Variants in IQSEC1 observed in about 807,000 individuals in gnomAD.
IQSEC1 encodes IQ motif and Sec7 domain ArfGEF 1, also known as IQ motif and SEC7 domain-containing protein 1.
In IQSEC1, 31 loss-of-function variants were observed where a neutral mutation model predicts 91.0. That is an observed-to-expected ratio of 0.34 (90% CI 0.26 to 0.46). The LOEUF (loss-of-function observed/expected upper bound fraction) is 0.46, where lower values mean the gene tolerates loss of function less well. Among genes scored for constraint, IQSEC1 ranks in the 20% least tolerant of loss-of-function variants. The pLI is 1.00. For synonymous variants in IQSEC1, 699 were observed against 662.6 expected (o/e 1.05, Z -0.84); for missense variants, 1,388 against 1,575.6 (o/e 0.88, Z 2.02).
Position 12,901,377 on chromosome 3 carries a change from G to A in IQSEC1, c.2951C>T (p.Ala984Val), listed in dbSNP as rs866930156. 6.5e-7 allele frequency: 1 copy of A among 1,539,586 alleles called. No homozygotes were observed. The highest frequency in any genetic ancestry group is 8.7e-7 in the Non-Finnish European group (1 of 1,143,524). The change falls in exon 14 of 14, where the codon GCC becomes GTC. Residue 984 changes from alanine to valine, a missense_variant. Around this residue, in one of 2 missense-constraint regions of IQSEC1, gnomAD observed 329 missense variants for 257.8 expected, o/e 1.28. Coordinates refer to ENST00000613206, the MANE Select transcript of IQSEC1 (RefSeq NM_001134382.3). ...CAGGGCTGGGGCTGAGGGCAGGTGG[G>A]CCTGGGGAGGGGGCTTCCCTCTCTT... ...GSKRGKPPPQ[A>V]HLPSAPALPP...
intron 1 of IQSEC1, among the ~76,000 whole-genome samples, chr3:13,059,857 CTT>C (rs1313190579): frequency 6.6e-6 from 1 of 152,258 alleles, no homozygotes; most frequent in African/African-American, 2.4e-5. Context: ...CCAGGGATGA[CTT>C]TGGAGCAGCG....
At chr3:13,121,163 G>A (rs1027357021) in intron 2 of IQSEC1, among the ~76,000 whole-genome samples, 5 of 152,218 alleles carry the variant, frequency 3.3e-5, no homozygotes, top group Non-Finnish European at 7.3e-5. Context: ...CTGCTTTTGT[G>A]AGCAGGACTT....
chr3:13,088,225 G>A (rs1377062639), intron 2 of IQSEC1, among the ~76,000 whole-genome samples: 5 of 152,218 alleles, frequency 3.3e-5, no homozygotes, highest in Non-Finnish European at 7.3e-5. Flanking sequence ...GCGTGCTAAC[G>A]CAGTGGGTGG....
chr3:13,036,484 G>C (rs1217472254), intron 1 of IQSEC1, among the ~76,000 whole-genome samples: 4 of 152,046 alleles, frequency 2.6e-5, no homozygotes, highest in Non-Finnish European at 5.9e-5. Context: ...ATTATGAAAG[G>C]AGCCAGTCAG....
At chr3:13,142,742 C>T (rs116074570) in intron 2 of IQSEC1, among the ~76,000 whole-genome samples, 1,731 of 152,334 alleles carry the variant, frequency 0.011, 36 homozygotes, top group African/African-American at 0.038. Context: ...ATTGTTATTG[C>T]AGCACATCCA....
intron 3 of IQSEC1, among the ~76,000 whole-genome samples, chr3:12,927,516 G>A (rs990865628): frequency 6.6e-6 from 1 of 150,610 alleles, no homozygotes; most frequent in African/African-American, 2.5e-5. Flanking sequence ...CCAGGTCCAG[G>A]CCCAGCCGGG....
At chr3:13,110,574 C>T (rs1025227248) in intron 2 of IQSEC1, among the ~76,000 whole-genome samples, 3 of 152,152 alleles carry the variant, frequency 2.0e-5, no homozygotes, top group East Asian at 1.9e-4. Context: ...GGCAACAGAG[C>T]GAGACTTCGT....
At chr3:13,205,165 CG>C (rs897888113) in intron 1 of IQSEC1, among the ~76,000 whole-genome samples, 1 of 152,084 alleles carries the variant, frequency 6.6e-6, no homozygotes, top group Non-Finnish European at 1.5e-5. Context: ...ACTGCTACAG[CG>C]AACTGCCCAG....
At chr3:13,221,114 G>A (rs1221746504) in intron 1 of IQSEC1, among the ~76,000 whole-genome samples, 2 of 152,188 alleles carry the variant, frequency 1.3e-5, no homozygotes, top group African/African-American at 4.8e-5. Flanking sequence ...CCTATAGTGT[G>A]ACACCATAGC....
intron 2 of IQSEC1, among the ~76,000 whole-genome samples, chr3:13,135,304 G>A (rs1706689035): frequency 6.6e-6 from 1 of 152,236 alleles, no homozygotes. Context: ...ATTGTCCTGG[G>A]ACCTCAGGCC....
At chr3:13,115,045 G>A (rs577681896) in intron 2 of IQSEC1, among the ~76,000 whole-genome samples, 2 of 152,322 alleles carry the variant, frequency 1.3e-5, no homozygotes, top group African/African-American at 2.4e-5. Flanking sequence ...CAGGGGGGCT[G>A]TGGGGGCTGG....
chr3:12,939,055 A>AGAT (rs1286639543), intron 2 of IQSEC1, among the ~76,000 whole-genome samples: 1 of 152,168 alleles, frequency 6.6e-6, no homozygotes, highest in Non-Finnish European at 1.5e-5. Flanking sequence ...ACATGTGCTC[A>AGAT]TCTACTATGT....
intron 1 of IQSEC1, among the ~76,000 whole-genome samples, chr3:12,957,266 C>G (rs1699967322): frequency 6.6e-6 from 1 of 152,214 alleles, no homozygotes; most frequent in South Asian, 2.1e-4. Flanking sequence ...CACCTTCTCC[C>G]CTTGTTCCTT....
chr3:13,174,840 C>T (rs1046655166), intron 1 of IQSEC1, among the ~76,000 whole-genome samples: 1 of 151,782 alleles, frequency 6.6e-6, no homozygotes, highest in Non-Finnish European at 1.5e-5. Context: ...TGCTCCCCCC[C>T]CCCACCTCCT....
chr3:13,242,874 G>T (rs552915466), intron 1 of IQSEC1, among the ~76,000 whole-genome samples: 1 of 152,152 alleles, frequency 6.6e-6, no homozygotes, highest in African/African-American at 2.4e-5. Flanking sequence ...AGGAGAGGAG[G>T]GGGAGGGTGA....
intron 3 of IQSEC1, among the ~76,000 whole-genome samples, chr3:12,929,530 G>T (rs1697474855): frequency 6.6e-6 from 1 of 152,198 alleles, no homozygotes; most frequent in South Asian, 2.1e-4. Flanking sequence ...GCTCCAGGTT[G>T]CCCAGCAAGA....
chr3:12,902,403 G>C (rs1300017410), intron 13 of IQSEC1, among the ~76,000 whole-genome samples: 1 of 151,464 alleles, frequency 6.6e-6, no homozygotes, highest in Non-Finnish European at 1.5e-5. Context: ...GAGCCGGGTG[G>C]CCCGGGCGGG....
At chr3:13,208,556 C>G (rs1274329487) in intron 1 of IQSEC1, among the ~76,000 whole-genome samples, 2 of 152,190 alleles carry the variant, frequency 1.3e-5, no homozygotes, top group African/African-American at 4.8e-5. Flanking sequence ...CCACATCTGC[C>G]TTGGTCCCCG....
chr3:13,043,631 T>C (rs1251817662), intron 1 of IQSEC1, among the ~76,000 whole-genome samples: 2 of 152,246 alleles, frequency 1.3e-5, no homozygotes, highest in East Asian at 1.9e-4. Flanking sequence ...TGCTTTTGCA[T>C]GTTTACTTGT....
Sources: allele counts gnomAD v4.1 joint callset (sites outside exome capture counted in the v4.1 genomes callset), GRCh38; gene constraint gnomAD v4.1.1; regional missense constraint gnomAD v4.1.1; transcripts MANE v1.5; gene names NCBI Gene and HGNC (gene_info 2026-07-23, HGNC 2026-07-21).